ACTN1: variants seen among roughly 807,000 people sequenced by gnomAD.
The protein encoded by ACTN1 is actinin alpha 1, also known as alpha-actinin-1.
Under a neutral mutation model 119.6 loss-of-function variants are expected in ACTN1, and 30 were observed. That is an observed-to-expected ratio of 0.25 (90% CI 0.19 to 0.34). The LOEUF (loss-of-function observed/expected upper bound fraction) is 0.34. Ranked by LOEUF, ACTN1 falls within the 10% of genes least tolerant of loss-of-function variation. The pLI is 1.00. For missense variants in ACTN1, 764 were observed against 1,223.4 expected (o/e 0.62, Z 5.60); for synonymous variants, 429 against 472.6 (o/e 0.91, Z 1.20).
chr14:68,937,545 C>A (rs529315268), intron 1 of ACTN1, among the ~76,000 whole-genome samples: 12 of 152,156 alleles, frequency 7.9e-5, no homozygotes, highest in Non-Finnish European at 1.8e-4. Flanking sequence ...AATTAGGGAG[C>A]AGGACATGAG....
chr14:68,882,374 G>C lies in ACTN1; in HGVS notation c.1953+84C>G. The stretch of plus-strand genomic sequence containing the variant: ...CTCAGTCCTCCATGGGTCCCACCCA[G>C]GGAGACAGGCAGCCTGGCTGGCTAG... On this transcript the variant is annotated intron_variant, in intron 16 of 21. Transcript: ENST00000394419. This position sits in a 1 kb window ranked among gnomAD's most constrained non-coding sequence, Gnocchi z 4.5. 1.3e-6 allele frequency: 2 copies of C among 1,559,924 alleles called. No homozygotes were observed. Among genetic ancestry groups the C allele is most frequent in the South Asian group, 2.4e-5 (2 of 83,430 alleles).
chr14:68,968,784 A>G (rs778806493), intron 1 of ACTN1, among the ~76,000 whole-genome samples: 5 of 152,252 alleles, frequency 3.3e-5, no homozygotes, highest in Non-Finnish European at 7.3e-5. Flanking sequence ...TAAGCCATCC[A>G]TATGGGTATT....
chr14:68,902,022 C>CT (rs1428721324), intron 8 of ACTN1, among the ~76,000 whole-genome samples: 1 of 152,214 alleles, frequency 6.6e-6, no homozygotes, highest in Non-Finnish European at 1.5e-5. Flanking sequence ...AAAGGTGGGG[C>CT]TTTATGATGC....
chr14:68,937,606 C>T (rs751268379), intron 1 of ACTN1, among the ~76,000 whole-genome samples: 19 of 152,184 alleles, frequency 1.2e-4, no homozygotes, highest in Non-Finnish European at 1.6e-4. Context: ...CAGCAAACTG[C>T]TAACTGGGTA....
intron 1 of ACTN1, among the ~76,000 whole-genome samples, chr14:68,973,280 CTTGAA>C (rs2036953465): frequency 6.6e-6 from 1 of 152,186 alleles, no homozygotes; most frequent in African/African-American, 2.4e-5. Flanking sequence ...CAAACGTCAT[CTTGAA>C]TTGTAGTTCC....
At chr14:68,956,852 C>A (rs2036367135) in intron 1 of ACTN1, among the ~76,000 whole-genome samples, 1 of 152,118 alleles carries the variant, frequency 6.6e-6, no homozygotes, top group Non-Finnish European at 1.5e-5. Flanking sequence ...CTTTAGAGTT[C>A]ATTGTGGTTT....
At chr14:68,961,951 A>C (rs564268275) in intron 1 of ACTN1, among the ~76,000 whole-genome samples, 1 of 152,112 alleles carries the variant, frequency 6.6e-6, no homozygotes, top group African/African-American at 2.4e-5. Context: ...TCTCCTTCAC[A>C]AGACACCCTG....
At chr14:68,950,574 T>G (rs908909842) in intron 1 of ACTN1, among the ~76,000 whole-genome samples, 1 of 151,474 alleles carries the variant, frequency 6.6e-6, no homozygotes, top group Admixed American at 6.6e-5. Flanking sequence ...ACTTTTTTTT[T>G]TTTTTGAGAC....
intron 1 of ACTN1, among the ~76,000 whole-genome samples, chr14:68,927,322 T>G (rs998972726): frequency 6.6e-6 from 1 of 152,216 alleles, no homozygotes; most frequent in Non-Finnish European, 1.5e-5. Flanking sequence ...TCACCCATTA[T>G]GCCTAGCCAC....
intron 1 of ACTN1, among the ~76,000 whole-genome samples, chr14:68,967,327 A>G (rs1473556463): frequency 6.6e-6 from 1 of 152,138 alleles, no homozygotes; most frequent in African/African-American, 2.4e-5. Flanking sequence ...CTCCTGTCCA[A>G]AGGCCCTCAC....
chr14:68,909,250 C>T lies in ACTN1; in HGVS notation c.594+68G>A. On this transcript the variant is annotated intron_variant, in intron 6 of 21. Coordinates refer to ENST00000394419, the MANE Select transcript of ACTN1 (RefSeq NM_001130004.2). The surrounding 1 kb of genome is among the most constrained non-coding windows in gnomAD (Gnocchi z 4.1). ...ACCATGGACTGTCACAACAAGGGTC[C>T]TAGTCCTGCTCTTTTCCCACCCCAC... The T allele has an allele frequency of 6.8e-7, 1 of 1,475,992 alleles. No individual in the cohort carries two copies. The highest frequency in any genetic ancestry group is 9.5e-7 in the Non-Finnish European group (1 of 1,057,390). 91.4% of individuals were successfully genotyped at this position (1,475,992 alleles called of 1,614,324 possible). A position where few individuals can be genotyped will look rare whatever the true frequency, so the allele number is the denominator to read the frequency against.
chr14:68,902,450 AT>A (rs747419543), intron 8 of ACTN1, 26 bp downstream of exon 8: 1 of 1,592,126 alleles, frequency 6.3e-7, no homozygotes, highest in Non-Finnish European at 8.6e-7. Flanking sequence ...TGTGCTGGGC[AT>A]GGAAGGAGCA....
intron 10 of ACTN1, among the ~76,000 whole-genome samples, chr14:68,891,638 A>C (rs772870258): frequency 3.2e-4 from 48 of 152,198 alleles, no homozygotes; most frequent in Non-Finnish European, 5.3e-4. Context: ...ACCCAAAAAA[A>C]CCCACAAAAC....
intron 16 of ACTN1, among the ~76,000 whole-genome samples, chr14:68,881,329 T>C (rs1249490759): frequency 1.3e-5 from 2 of 152,166 alleles, no homozygotes; most frequent in African/African-American, 4.8e-5. Flanking sequence ...TCCCAAGTCT[T>C]GTCCATCTCA....
intron 1 of ACTN1, among the ~76,000 whole-genome samples, chr14:68,929,548 TCA>T (rs1227149605): frequency 6.6e-6 from 1 of 152,162 alleles, no homozygotes; most frequent in Non-Finnish European, 1.5e-5. Context: ...ATACTCAGGC[TCA>T]CAGCCTGACA....
chr14:68,947,856 C>T (rs999670125), intron 1 of ACTN1, among the ~76,000 whole-genome samples: 1 of 152,210 alleles, frequency 6.6e-6, no homozygotes, highest in Non-Finnish European at 1.5e-5. Flanking sequence ...AGCCACAATG[C>T]CTGGTGCTGG....
At position 68,874,713 on chromosome 14, in the gene ACTN1, C is replaced by CG; in HGVS notation, c.*145dup. The stretch of plus-strand genomic sequence containing the variant: ...AATAATTTTGTAAACTGTCACTTCG[C>CG]GGGCAGGGAGGATCGATGCCACGTG... On this transcript the variant is annotated 3_prime_UTR_variant, in exon 22 of 22. Coordinates refer to ENST00000394419, the MANE Select transcript of ACTN1 (RefSeq NM_001130004.2). 2 of 735,024 alleles carry CG rather than the reference C, an allele frequency of 2.7e-6. No homozygotes were observed. Among genetic ancestry groups the CG allele is most frequent in the Non-Finnish European group, 3.9e-6 (2 of 512,570 alleles). The allele number at this position is 735,024 out of a possible 1,614,324, so 45.5% of individuals were successfully genotyped here. A position where few individuals can be genotyped will look rare whatever the true frequency, so the allele number is the denominator to read the frequency against.
intron 1 of ACTN1, among the ~76,000 whole-genome samples, chr14:68,948,591 G>A (rs947812245): frequency 6.6e-6 from 1 of 152,044 alleles, no homozygotes; most frequent in Non-Finnish European, 1.5e-5. Context: ...AAAAAAAGAA[G>A]TAAGGTTTTC....
intron 16 of ACTN1, among the ~76,000 whole-genome samples, chr14:68,881,936 C>CTTTT (rs781067137): frequency 8.6e-5 from 5 of 58,394 alleles, no homozygotes; most frequent in Admixed American, 3.9e-4. Flanking sequence ...TAGGCAGCTT[C>CTTTT]TTTTTTTTTT....
Sources: allele counts gnomAD v4.1 joint callset (sites outside exome capture counted in the v4.1 genomes callset), GRCh38; gene constraint gnomAD v4.1.1; non-coding constraint Gnocchi (gnomAD v3.1); transcripts MANE v1.5; gene names NCBI Gene and HGNC (gene_info 2026-07-23, HGNC 2026-07-21).